Variants in ADGRG3 observed in about 807,000 individuals in gnomAD.
The protein encoded by ADGRG3 is adhesion G protein-coupled receptor G3.
A neutral mutation model predicts 54.3 loss-of-function variants in ADGRG3; 39 were observed. The ratio of observed to expected loss-of-function variants is 0.72; its 90% confidence interval spans 0.56 to 0.94. The LOEUF (loss-of-function observed/expected upper bound fraction) is 0.94. ADGRG3 is among the 40% of genes least tolerant of loss of function. ADGRG3 has a pLI of 0.00. For missense variants in ADGRG3, 654 were observed against 694.6 expected (o/e 0.94, Z 0.66); for synonymous variants, 312 against 290.0 (o/e 1.08, Z -0.77).
At chr16:57,688,126 G>T (rs8045126) in intron 11 of ADGRG3, among the ~76,000 whole-genome samples, 49,114 of 152,020 alleles carry the variant, frequency 0.32, 8,120 homozygotes, top group African/African-American at 0.37. Flanking sequence ...AATAGGCATA[G>T]GTAGATATTT....
rs200448539 is a variant in ADGRG3 at position 57,688,349 on chromosome 16, C to G, written c.1541-3C>G. 11 of 1,596,784 alleles carry G rather than the reference C, an allele frequency of 6.9e-6. No homozygotes were observed. The Middle Eastern group carries it at 5.0e-4, about 72-fold the overall frequency. ...GCTCACCGAGGCCTCTCCTTCCTAACAGGTGTCTTCATCTGCTGCTGGTTC... is the reference window on the plus strand; with the variant it reads ...GCTCACCGAGGCCTCTCCTTCCTAAGAGGTGTCTTCATCTGCTGCTGGTTC... On this transcript the variant is annotated splice_polypyrimidine_tract_variant and splice_region_variant and intron_variant, in intron 11 of 11. Coordinates refer to ENST00000333493, the MANE Select transcript of ADGRG3 (RefSeq NM_170776.5).
chr16:57,674,773 C>T (rs1412647421), intron 2 of ADGRG3: 8 of 178,094 alleles, frequency 4.5e-5, no homozygotes, highest in Middle Eastern at 2.2e-3. Flanking sequence ...CACTTGAGGT[C>T]GGGAGTTTGA....
chr16:57,685,857 G>T lies in ADGRG3; in HGVS notation c.1471G>T (p.Gly491Trp). The part of the protein sequence containing the change: ...GLSSLVGVTW[G>W]LAIFTPLGLS... ...CTCGAGCCTGGTGGGTGTGACATGGGGGTTGGCCATCTTCACCCCGTTGGG... is the reference window on the plus strand; with the variant it reads ...CTCGAGCCTGGTGGGTGTGACATGGTGGTTGGCCATCTTCACCCCGTTGGG... Residue 491 changes from glycine to tryptophan, a missense_variant, in exon 11 of 12, where the codon GGG (glycine) becomes TGG (tryptophan). Gly to Trp is a radical substitution (Grantham distance 184, BLOSUM62 -2). Transcript: ENST00000333493. The T allele has an allele frequency of 6.2e-7, 1 of 1,614,062 alleles. No individual in the cohort carries two copies. The highest frequency in any genetic ancestry group is 1.1e-5 in the South Asian group (1 of 91,078).
At chr16:57,669,191 C>T (rs1299739143) in intron 1 of ADGRG3, among the ~76,000 whole-genome samples, 8 of 152,226 alleles carry the variant, frequency 5.3e-5, no homozygotes, top group African/African-American at 1.4e-4. Flanking sequence ...AGGCCACTCT[C>T]TTTTTGCTCC....
chr16:57,681,978 A>G (rs2048381156), intron 8 of ADGRG3, among the ~76,000 whole-genome samples: 2 of 152,206 alleles, frequency 1.3e-5, no homozygotes, highest in Non-Finnish European at 2.9e-5. Flanking sequence ...AACTTGGACC[A>G]TGTGCCCATG....
chr16:57,671,876 G>A (rs2048166944), intron 1 of ADGRG3, among the ~76,000 whole-genome samples: 1 of 152,218 alleles, frequency 6.6e-6, no homozygotes, highest in African/African-American at 2.4e-5. Flanking sequence ...TATATTGCTA[G>A]TCCAAGCGTG....
rs2048352187 is a variant in ADGRG3, at chr16:57,680,685, G to A, written c.881+68G>A. ...CAAGGGAGGCAGCAGGGCAGGGTGG[G>A]AAGCATTCAGGTTGTGCAGCCTCTG... On this transcript the variant is annotated intron_variant, in intron 8 of 11. Transcript: ENST00000333493. The A allele has an allele frequency of 4.6e-6, 5 of 1,084,682 alleles. No individual in the cohort carries two copies. In the South Asian group the frequency reaches 5.1e-5, roughly 11 times the overall value. The allele number at this position is 1,084,682 out of a possible 1,614,324, so 67.2% of individuals were successfully genotyped here.
chr16:57,672,542 T>C (rs907627647), intron 1 of ADGRG3, among the ~76,000 whole-genome samples: 2 of 152,190 alleles, frequency 1.3e-5, no homozygotes, highest in African/African-American at 4.8e-5. Flanking sequence ...TTGCAAGGAA[T>C]GTATTATTAG....
rs1170065182 is a variant in ADGRG3, at chr16:57,685,873, C to A, written c.1487C>A (p.Thr496Asn). ...GTGACATGGGGGTTGGCCATCTTCA[C>A]CCCGTTGGGCCTCTCCACCGTCTAC... Reference protein sequence around the residue: ...VGVTWGLAIFTPLGLSTVYIF... With the variant: ...VGVTWGLAIFNPLGLSTVYIF... Residue 496 changes from threonine to asparagine, a missense_variant, in exon 11 of 12, where the codon ACC (threonine) becomes AAC (asparagine). Thr to Asn is a moderately conservative substitution (Grantham distance 65). Coordinates refer to ENST00000333493, the MANE Select transcript of ADGRG3 (RefSeq NM_170776.5). 1.9e-6 allele frequency: 3 copies of A among 1,614,002 alleles called. No homozygotes were observed. The highest frequency in any genetic ancestry group is 2.5e-6 in the Non-Finnish European group (3 of 1,180,020).
chr16:57,674,869 G>A (rs62039894), intron 2 of ADGRG3, among the ~76,000 whole-genome samples: 428 of 150,370 alleles, frequency 2.8e-3, no homozygotes, highest in Middle Eastern at 6.8e-3. Context: ...GGTGACAGGC[G>A]CCTGTAATCC....
intron 8 of ADGRG3, chr16:57,682,646 G>A: frequency 2.0e-6 from 2 of 985,304 alleles, no homozygotes; most frequent in Non-Finnish European, 2.4e-6. Flanking sequence ...CATGATCCCA[G>A]ATGCTCCTCC....
At chr16:57,672,694 G>A (rs561794090) in intron 1 of ADGRG3, among the ~76,000 whole-genome samples, 41 of 152,290 alleles carry the variant, frequency 2.7e-4, no homozygotes, top group African/African-American at 9.9e-4. Context: ...ACAAAAGCTG[G>A]TCTTTAGTCC....
intron 8 of ADGRG3, chr16:57,682,634 G>A: frequency 1.1e-5 from 11 of 985,408 alleles, no homozygotes; most frequent in Non-Finnish European, 1.3e-5. Context: ...AGGTGAGGTG[G>A]ACATGATCCC....
Position 57,678,204 on chromosome 16 carries a change from C to T in ADGRG3, c.380C>T (p.Pro127Leu), listed in dbSNP as rs1341493839. 2 of 1,614,164 alleles carry T rather than the reference C, an allele frequency of 1.2e-6. No individual in the cohort carries two copies. ...PRQVMKDEDK[P>L]PDRVRLPKSL... ...CAGGTGATGAAGGACGAGGACAAGCCCCCTGACAGAGTGCGACTTCCCAAG... is the reference window on the plus strand; with the variant it reads ...CAGGTGATGAAGGACGAGGACAAGCTCCCTGACAGAGTGCGACTTCCCAAG... Residue 127 changes from proline to leucine, a missense_variant, in exon 4 of 12, where the codon CCC (proline) becomes CTC (leucine). Pro to Leu is a moderately conservative substitution (Grantham distance 98). Coordinates refer to ENST00000333493, the MANE Select transcript of ADGRG3 (RefSeq NM_170776.5).
chr16:57,683,403 T>A (rs2048412053), intron 8 of ADGRG3, among the ~76,000 whole-genome samples: 1 of 152,232 alleles, frequency 6.6e-6, no homozygotes, highest in Admixed American at 6.5e-5. Context: ...TACAGGGTTA[T>A]GTGAAAGAAA....
intron 2 of ADGRG3, among the ~76,000 whole-genome samples, chr16:57,674,930 A>G (rs763483399): frequency 1.4e-5 from 2 of 139,860 alleles, no homozygotes; most frequent in Non-Finnish European, 3.0e-5. Flanking sequence ...CAGGAGGTAA[A>G]GGTTGCAGTG....
At chr16:57,668,302 G>T, upstream of ADGRG3, 1 of 1,513,438 alleles carries the variant, frequency 6.6e-7, no homozygotes. Flanking sequence ...GGGGCCAGAG[G>T]GCCAGACAGC....
intron 10 of ADGRG3, among the ~76,000 whole-genome samples, chr16:57,685,237 C>G (rs1417691203): frequency 6.6e-6 from 1 of 152,168 alleles, no homozygotes; most frequent in African/African-American, 2.4e-5. Flanking sequence ...GGCAGTGGGC[C>G]AGGTGGGGAC....
At chr16:57,673,576 A>G (rs1009873244) in intron 2 of ADGRG3, 108 bp downstream of exon 2, 3 of 1,054,466 alleles carry the variant, frequency 2.8e-6, no homozygotes, top group Non-Finnish European at 4.1e-6. Flanking sequence ...TGTTGCTCCC[A>G]TCTGACTCTT....
Sources: gnomAD v4.1 joint callset for allele counts (sites outside exome capture counted in the v4.1 genomes callset) on GRCh38, gnomAD v4.1.1 for gene constraint, MANE v1.5 for transcripts, NCBI Gene and HGNC (gene_info 2026-07-23, HGNC 2026-07-21) for gene names.